Variants in GRID1 observed in about 807,000 individuals in gnomAD.
GRID1 encodes the protein glutamate receptor ionotropic, delta-1.
Under a neutral mutation model 98.0 loss-of-function variants are expected in GRID1, and 28 were observed. The ratio of observed to expected loss-of-function variants is 0.29; its 90% CI spans 0.21 to 0.39. The LOEUF (loss-of-function observed/expected upper bound fraction) is 0.39. Among genes scored for constraint, GRID1 ranks in the 10% least tolerant of loss-of-function variants. The probability of loss-of-function intolerance (pLI) is 1.00; values close to 1 mark genes in which losing one functional copy is unlikely to be tolerated. For missense variants in GRID1, 1,111 were observed against 1,340.5 expected (o/e 0.83, Z 2.67); for synonymous variants, 553 against 538.5 (o/e 1.03, Z -0.37).
intron 2 of GRID1, among the ~76,000 whole-genome samples, chr10:86,217,493 G>A (rs541304890): frequency 2.6e-5 from 4 of 152,322 alleles, no homozygotes; most frequent in South Asian, 2.1e-4. Flanking sequence ...CAAGTAGAGA[G>A]TGGAGGAGCT....
intron 3 of GRID1, among the ~76,000 whole-genome samples, chr10:86,178,918 G>A (rs892689164): frequency 2.0e-5 from 3 of 152,162 alleles, no homozygotes; most frequent in Non-Finnish European, 4.4e-5. Flanking sequence ...CCTTGGGCAG[G>A]CATTGCAGAG....
Position 85,724,562 on chromosome 10 carries a change from C to A in GRID1, c.1648G>T (p.Glu550Ter). ...AAGAGGGAGAAGATGCTGATTTTCT[C>A]CTCGGGCTTCTTAATTAGAATCCCC... ...SVGILIKKPEEKISIFSLFAP... is the reference protein window; with the variant it reads ...SVGILIKKPE Residue 550 changes from glutamate (E) to a stop codon, truncating the protein, a stop_gained, in exon 11 of 16, where the codon GAG becomes TAG. Coordinates refer to ENST00000327946, the MANE Select transcript of GRID1 (RefSeq NM_017551.3). LOFTEE classifies it high-confidence loss of function. The A allele has an allele frequency of 6.2e-7, 1 of 1,613,652 alleles. No individual in the cohort carries two copies. The highest frequency in any genetic ancestry group is 8.5e-7 in the Non-Finnish European group (1 of 1,180,014).
At chr10:86,242,311 A>G (rs1846650690) in intron 2 of GRID1, among the ~76,000 whole-genome samples, 1 of 152,162 alleles carries the variant, frequency 6.6e-6, no homozygotes, top group Non-Finnish European at 1.5e-5. Context: ...GAGTGTTTGG[A>G]GCAAAAGGCC....
chr10:86,131,757 T>C (rs1213950366), intron 4 of GRID1, among the ~76,000 whole-genome samples: 1 of 152,166 alleles, frequency 6.6e-6, no homozygotes, highest in African/African-American at 2.4e-5. Flanking sequence ...ATTCTTACAA[T>C]GTTTTACTTG....
At chr10:86,210,829 C>A (rs1846097751) in intron 2 of GRID1, among the ~76,000 whole-genome samples, 1 of 152,204 alleles carries the variant, frequency 6.6e-6, no homozygotes, top group Non-Finnish European at 1.5e-5. Context: ...ATAATAAGAT[C>A]AAAATACATC....
chr10:85,713,161 C>G (rs1841600578), intron 12 of GRID1, among the ~76,000 whole-genome samples: 1 of 150,840 alleles, frequency 6.6e-6, no homozygotes, highest in Non-Finnish European at 1.5e-5. Context: ...AATTGGAAAA[C>G]CTTTAGCTAG....
chr10:85,905,209 G>A (rs1025909255), intron 5 of GRID1, among the ~76,000 whole-genome samples: 3 of 151,986 alleles, frequency 2.0e-5, no homozygotes, highest in Admixed American at 2.0e-4. Flanking sequence ...ATATGAGGAG[G>A]AAGATAGTAA....
intron 5 of GRID1, among the ~76,000 whole-genome samples, chr10:85,884,206 A>T (rs1394484886): frequency 1.3e-5 from 2 of 151,816 alleles, no homozygotes; most frequent in Non-Finnish European, 1.5e-5. Context: ...TTTTTTGGTC[A>T]TTTTTCCTTT....
chr10:85,793,313 A>G (rs921951583), intron 8 of GRID1, among the ~76,000 whole-genome samples: 1 of 152,208 alleles, frequency 6.6e-6, no homozygotes, highest in African/African-American at 2.4e-5. Context: ...CTGTCCATCC[A>G]GCAGCACAGG....
intron 8 of GRID1, among the ~76,000 whole-genome samples, chr10:85,834,414 C>T (rs1239663377): frequency 6.6e-6 from 1 of 151,974 alleles, no homozygotes; most frequent in Non-Finnish European, 1.5e-5. Context: ...TGAAGGAAGA[C>T]CAAAAGAATA....
At chr10:85,924,799 TC>T (rs1245228822) in intron 4 of GRID1, among the ~76,000 whole-genome samples, 3 of 152,242 alleles carry the variant, frequency 2.0e-5, no homozygotes, top group African/African-American at 7.2e-5. Flanking sequence ...CTCCCTGGCC[TC>T]AGTCCTTCTT....
rs7893978 is a variant in GRID1 at position 86,298,859 on chromosome 10, T to C, written c.235+65082A>G. ...GCTCTGGCCTGGTATAAGGCTGACA[T>C]TGGTAATGGTTTGTTCACCACTCAC... On this transcript the variant is annotated intron_variant, in intron 2 of 15. Transcript: ENST00000327946. Among the ~76,000 whole-genome samples, 838 of 152,268 alleles carry C rather than the reference T, an allele frequency of 5.5e-3. 8 individuals are homozygous for C. The highest frequency in any genetic ancestry group is 0.019 in the African/African-American group (803 of 41,538).
intron 2 of GRID1, among the ~76,000 whole-genome samples, chr10:86,224,827 T>TC (rs1481982962): frequency 6.6e-6 from 1 of 151,988 alleles, no homozygotes. Context: ...AAGTGCCCCT[T>TC]CCCCCAGGAA....
intron 4 of GRID1, among the ~76,000 whole-genome samples, chr10:86,132,308 C>A (rs1844849674): frequency 6.6e-6 from 1 of 152,244 alleles, no homozygotes; most frequent in African/African-American, 2.4e-5. Flanking sequence ...CCTTCCTGAA[C>A]TCAGCCAGGC....
intron 3 of GRID1, among the ~76,000 whole-genome samples, chr10:86,160,618 G>C (rs920832907): frequency 7.8e-4 from 119 of 152,342 alleles, no homozygotes; most frequent in African/African-American, 2.6e-3. Context: ...TGAGCAGAAA[G>C]AAGCTCATCA....
rs148315933 is a variant in GRID1 at position 85,935,055 on chromosome 10, T to C, written c.727-18816A>G. Among the ~76,000 whole-genome samples, 175 of 152,360 alleles carry C rather than the reference T, an allele frequency of 1.1e-3. No individual in the cohort carries two copies. The Middle Eastern group carries it at 0.02, about 18-fold the overall frequency. ...AAGTCAAGAGCAAAAGCATCTAATA[T>C]TGATTACATGCTGACCATGACGGGT... On this transcript the variant is annotated intron_variant, in intron 4 of 15. Coordinates refer to ENST00000327946, the MANE Select transcript of GRID1 (RefSeq NM_017551.3).
intron 14 of GRID1, among the ~76,000 whole-genome samples, chr10:85,617,224 A>G (rs1842800700): frequency 7.4e-6 from 1 of 135,600 alleles, no homozygotes; most frequent in East Asian, 2.5e-4. Context: ...CATACAACAA[A>G]GCCCCCCCCC....
At chr10:86,348,990 C>T (rs1388681150) in intron 2 of GRID1, among the ~76,000 whole-genome samples, 1 of 152,238 alleles carries the variant, frequency 6.6e-6, no homozygotes, top group Non-Finnish European at 1.5e-5. Flanking sequence ...CCTGCTTCCT[C>T]AGAGGCCCGC....
intron 8 of GRID1, among the ~76,000 whole-genome samples, chr10:85,753,144 C>T (rs1259777847): frequency 2.6e-5 from 4 of 152,196 alleles, no homozygotes; most frequent in African/African-American, 9.7e-5. Context: ...TCACAGATTA[C>T]ACTATGTCAT....
Sources: gnomAD v4.1 joint callset for allele counts (sites outside exome capture counted in the v4.1 genomes callset) on GRCh38, gnomAD v4.1.1 for gene constraint, MANE v1.5 for transcripts, NCBI Gene and HGNC (gene_info 2026-07-23, HGNC 2026-07-21) for gene names.